The following RORA variants were observed in gnomAD, a reference collection of about 807,000 sequenced individuals.
RORA encodes nuclear receptor ROR-alpha.
In RORA, 7 loss-of-function variants were observed where a neutral mutation model predicts 69.5. That is an observed-to-expected ratio of 0.10 (90% confidence interval 0.06 to 0.19). The LOEUF is 0.19. RORA is among the 10% of genes least tolerant of loss of function. The pLI is 1.00. For missense variants in RORA, 457 were observed against 663.0 expected, an observed-to-expected ratio of 0.69 and a Z score of 3.41; for synonymous variants, 261 against 240.8, an observed-to-expected ratio of 1.08 and a Z score of -0.78.
At chr15:61,179,868 G>A (rs765535591) in intron 1 of RORA, among the ~76,000 whole-genome samples, 9 of 152,134 alleles carry the variant, frequency 5.9e-5, no homozygotes, top group Non-Finnish European at 1.2e-4. Flanking sequence ...TGGGTGTGGA[G>A]GCTCACGCCT....
At chr15:60,864,484 GT>G (rs11388901) in intron 1 of RORA, among the ~76,000 whole-genome samples, 34 of 147,620 alleles carry the variant, frequency 2.3e-4, no homozygotes, top group African/African-American at 2.5e-4. Context: ...TACCATCCTT[GT>G]TTTTTTTTTT....
intron 1 of RORA, among the ~76,000 whole-genome samples, chr15:60,833,063 C>T (rs964196895): frequency 6.6e-6 from 1 of 151,882 alleles, no homozygotes; most frequent in Admixed American, 6.6e-5. Flanking sequence ...CACCACCATG[C>T]CCGGCTAATT....
intron 1 of RORA, among the ~76,000 whole-genome samples, chr15:60,694,009 A>G (rs1271231993): frequency 6.6e-6 from 1 of 152,202 alleles, no homozygotes; most frequent in African/African-American, 2.4e-5. Context: ...GCAAAAAAGA[A>G]CAAAGCAGGA....
At chr15:61,186,358 T>C (rs1041363776) in intron 1 of RORA, among the ~76,000 whole-genome samples, 2 of 152,110 alleles carry the variant, frequency 1.3e-5, no homozygotes, top group Non-Finnish European at 2.9e-5. Context: ...CCAGATGCCC[T>C]GGCCAGGCAC....
chr15:60,541,130 A>C (rs1289036458), intron 2 of RORA, among the ~76,000 whole-genome samples: 1 of 152,220 alleles, frequency 6.6e-6, no homozygotes. Context: ...CAGAAGCGGA[A>C]GTGTAAATGT....
intron 1 of RORA, among the ~76,000 whole-genome samples, chr15:60,828,634 T>G (rs1462314202): frequency 6.6e-6 from 1 of 152,152 alleles, no homozygotes; most frequent in Non-Finnish European, 1.5e-5. Context: ...AAGAGAAAGC[T>G]CCTGGGAGGC....
rs151186457 is a variant in RORA at position 61,093,479 on chromosome 15, G to A, written c.166+135574C>T. On this transcript the variant is annotated intron_variant, in intron 1 of 10. Coordinates refer to ENST00000335670, the MANE Select transcript of RORA (RefSeq NM_134261.3). ...ATGCCTGGAGATACAGACCAACAAT[G>A]CTGCGGCTACAGAGCTGGTGACTTT... is the stretch of plus-strand genomic sequence containing the variant. Among the ~76,000 whole-genome samples, 504 of 152,316 alleles carry A rather than the reference G, an allele frequency of 3.3e-3. 3 individuals are homozygous for A. The highest frequency in any genetic ancestry group is 0.012 in the African/African-American group (481 of 41,566).
chr15:60,890,037 T>A (rs896512072), intron 1 of RORA, among the ~76,000 whole-genome samples: 3 of 152,238 alleles, frequency 2.0e-5, no homozygotes, highest in Admixed American at 6.5e-5. Flanking sequence ...GGTTCCCTAC[T>A]GAAGGCAGGC....
At chr15:61,038,377 C>T (rs1896570882) in intron 1 of RORA, among the ~76,000 whole-genome samples, 1 of 152,174 alleles carries the variant, frequency 6.6e-6, no homozygotes. Context: ...CACAATAAAA[C>T]ATTGCATCCA....
chr15:60,837,972 A>G (rs1245578397), intron 1 of RORA, among the ~76,000 whole-genome samples: 1 of 152,046 alleles, frequency 6.6e-6, no homozygotes, highest in Non-Finnish European at 1.5e-5. Flanking sequence ...ACGTCTGAAA[A>G]TACTTGAGAA....
intron 2 of RORA, among the ~76,000 whole-genome samples, chr15:60,653,463 A>G (rs2070176085): frequency 6.6e-6 from 1 of 152,184 alleles, no homozygotes; most frequent in Non-Finnish European, 1.5e-5. Flanking sequence ...TGGGAGGGCT[A>G]AGCCTAGGGC....
intron 2 of RORA, among the ~76,000 whole-genome samples, chr15:60,616,896 G>A (rs577941785): frequency 6.6e-6 from 1 of 152,172 alleles, no homozygotes; most frequent in Non-Finnish European, 1.5e-5. Flanking sequence ...ACCTCTATAA[G>A]TAACAGGTTG....
At chr15:60,837,464 C>T (rs2073132924) in intron 1 of RORA, among the ~76,000 whole-genome samples, 1 of 152,212 alleles carries the variant, frequency 6.6e-6, no homozygotes, top group Non-Finnish European at 1.5e-5. Context: ...ACACTGCCAA[C>T]CTCACCCCTC....
At chr15:60,637,658 C>G (rs1189868898) in intron 2 of RORA, among the ~76,000 whole-genome samples, 2 of 152,034 alleles carry the variant, frequency 1.3e-5, no homozygotes, top group Non-Finnish European at 2.9e-5. Context: ...CAATTTATTA[C>G]TTTTTCCCCA....
intron 1 of RORA, among the ~76,000 whole-genome samples, chr15:60,734,483 G>T (rs2071473119): frequency 6.6e-6 from 1 of 152,222 alleles, no homozygotes; most frequent in Non-Finnish European, 1.5e-5. Flanking sequence ...GAGCTTGAGA[G>T]ATTTGAGTCT....
At chr15:60,941,198 T>A (rs1595832168) in intron 1 of RORA, among the ~76,000 whole-genome samples, 1 of 152,368 alleles carries the variant, frequency 6.6e-6, no homozygotes. Flanking sequence ...AAAAGCCTTG[T>A]CAGTTGCAGT....
chr15:60,726,933 C>T (rs752292274), intron 1 of RORA, among the ~76,000 whole-genome samples: 2 of 152,184 alleles, frequency 1.3e-5, no homozygotes, highest in Non-Finnish European at 2.9e-5. Flanking sequence ...ACTAATTATA[C>T]TACAGAATCT....
At chr15:61,107,992 T>G (rs940913560) in intron 1 of RORA, among the ~76,000 whole-genome samples, 1 of 152,190 alleles carries the variant, frequency 6.6e-6, no homozygotes, top group Non-Finnish European at 1.5e-5. Context: ...GTAGGACTTC[T>G]CCGGATTTTA....
intron 1 of RORA, among the ~76,000 whole-genome samples, chr15:60,889,201 T>C (rs1394391177): frequency 6.6e-6 from 1 of 152,192 alleles, no homozygotes; most frequent in Non-Finnish European, 1.5e-5. Flanking sequence ...AGGCAGGAAC[T>C]AGATTCTCCG....
Sources: gnomAD v4.1 joint callset for allele counts (sites outside exome capture counted in the v4.1 genomes callset) on GRCh38, gnomAD v4.1.1 for gene constraint, MANE v1.5 for transcripts, NCBI Gene and HGNC (gene_info 2026-07-23, HGNC 2026-07-21) for gene names.